SCRN1: variants seen among roughly 807,000 people sequenced by gnomAD.
SCRN1 encodes secernin 1.
SCRN1 carries 19 observed loss-of-function variants against 43.3 expected under a neutral mutation model. The ratio of observed to expected loss-of-function variants is 0.44; its 90% CI spans 0.31 to 0.64. The LOEUF is 0.64. SCRN1 is among the 30% of genes least tolerant of loss of function. The pLI, the probability that SCRN1 is intolerant of heterozygous loss-of-function variation, is 0.09. For synonymous variants in SCRN1, 183 were observed against 188.9 expected, an observed-to-expected ratio of 0.97 and a Z score of 0.26; for missense variants, 447 against 524.1, an observed-to-expected ratio of 0.85 and a Z score of 1.44.
rs182126511 is a variant in SCRN1 at position 29,920,629 on chromosome 7, A to G, written c.*3328T>C. 5.3e-5 allele frequency: 8 copies of G among 152,342 alleles called. No individual in the cohort carries two copies. Among genetic ancestry groups the G allele is most frequent in the Admixed American group, 4.6e-4 (7 of 15,306 alleles). 9.4% of individuals were successfully genotyped at this position (152,342 alleles called of 1,614,324 possible). ...GAGAGCTCAACTGAAGACCTTCCCC[A>G]ATAAATGACAGATGGCTCTTCAGTC... On this transcript the variant is annotated 3_prime_UTR_variant, in exon 8 of 8. Coordinates refer to ENST00000242059, the MANE Select transcript of SCRN1 (RefSeq NM_014766.5).
intron 6 of SCRN1, 127 bp from the exon 7 acceptor site, chr7:29,926,759 G>T: frequency 2.3e-5 from 13 of 577,276 alleles, no homozygotes; most frequent in Non-Finnish European, 2.6e-5. Context: ...TGGGTGACGG[G>T]TGGGTGGGTG....
intron 2 of SCRN1, among the ~76,000 whole-genome samples, chr7:29,966,716 G>A (rs1423384739): frequency 6.6e-6 from 1 of 152,218 alleles, no homozygotes; most frequent in Non-Finnish European, 1.5e-5. Context: ...TATTAAGTTA[G>A]TGGCTCAGTA....
At chr7:29,989,372 C>T in intron 1 of SCRN1, 1 of 172,500 alleles carries the variant, frequency 5.8e-6, no homozygotes, top group Non-Finnish European at 1.2e-5. Flanking sequence ...GGCTGCGGTG[C>T]GGGAGCCCGG....
Position 29,926,432 on chromosome 7 carries a change from T to C in SCRN1, c.1086+20A>G. The C allele has an allele frequency of 1.2e-6, 2 of 1,606,732 alleles. No homozygotes were observed. On this transcript the variant is annotated intron_variant, in intron 7 of 7. Coordinates refer to ENST00000242059, the MANE Select transcript of SCRN1 (RefSeq NM_014766.5). The stretch of plus-strand genomic sequence containing the variant: ...CCGCCCGCCTCCGCCTCCGCCTCTG[T>C]GGCCCTCATGCAAGCTCACCTGGTC...
intron 6 of SCRN1, among the ~76,000 whole-genome samples, chr7:29,933,802 A>T (rs1030967729): frequency 3.9e-5 from 6 of 152,226 alleles, no homozygotes; most frequent in Non-Finnish European, 8.8e-5. Flanking sequence ...ATACAGTGAG[A>T]AAAGGACAGA....
intron 1 of SCRN1, among the ~76,000 whole-genome samples, chr7:29,970,703 A>G (rs1340827286): frequency 6.6e-6 from 1 of 152,180 alleles, no homozygotes; most frequent in East Asian, 1.9e-4. Flanking sequence ...TTGTTTATTA[A>G]TAGTCCACCA....
Position 29,926,544 on chromosome 7 carries a change from T to C in SCRN1, c.994A>G (p.Lys332Glu). Residue 332 changes from lysine to glutamate, a missense_variant, in exon 7 of 8, where the codon AAA becomes GAA. Coordinates refer to ENST00000242059, the MANE Select transcript of SCRN1 (RefSeq NM_014766.5). ...SPCFGDDDPA[K>E]KEPRFQEKPD... Reference sequence around the variant, plus strand: ...TTCTCCTGGAACCGAGGCTCCTTTTTGGCAGGGTCGTCATCCCCAAAACAG... The same window carrying C: ...TTCTCCTGGAACCGAGGCTCCTTTTCGGCAGGGTCGTCATCCCCAAAACAG... 1.2e-6 allele frequency: 2 copies of C among 1,614,200 alleles called. No homozygotes were observed. Among genetic ancestry groups the C allele is most frequent in the Non-Finnish European group, 1.7e-6 (2 of 1,180,044 alleles).
chr7:29,931,794 G>A (rs1339044137), intron 6 of SCRN1, among the ~76,000 whole-genome samples: 1 of 152,128 alleles, frequency 6.6e-6, no homozygotes, highest in Non-Finnish European at 1.5e-5. Flanking sequence ...CCTGTTCAGA[G>A]GAAGCTGCTC....
intron 6 of SCRN1, among the ~76,000 whole-genome samples, chr7:29,927,950 G>A (rs1026354443): frequency 2.0e-5 from 3 of 151,956 alleles, no homozygotes; most frequent in African/African-American, 4.8e-5. Flanking sequence ...GTAAAACCCC[G>A]TTTCTACTAA....
At chr7:29,986,775 A>G (rs1789171903) in intron 1 of SCRN1, among the ~76,000 whole-genome samples, 1 of 122,440 alleles carries the variant, frequency 8.2e-6, no homozygotes, top group Non-Finnish European at 1.6e-5. Context: ...CCCAGGCTGG[A>G]GTGCAGTGGC....
chr7:29,948,057 G>A (rs1376416976), intron 3 of SCRN1, among the ~76,000 whole-genome samples: 2 of 152,182 alleles, frequency 1.3e-5, no homozygotes, highest in Admixed American at 6.5e-5. Context: ...GGACTAAGAC[G>A]AGTGATAACA....
At chr7:29,924,539 A>G (rs1225515804) in intron 7 of SCRN1, among the ~76,000 whole-genome samples, 1 of 152,036 alleles carries the variant, frequency 6.6e-6, no homozygotes, top group Non-Finnish European at 1.5e-5. Flanking sequence ...ACCCATCTTC[A>G]GCTTCCTTGC....
intron 6 of SCRN1, among the ~76,000 whole-genome samples, chr7:29,932,038 C>T (rs1787171364): frequency 6.6e-6 from 1 of 152,098 alleles, no homozygotes; most frequent in Non-Finnish European, 1.5e-5. Context: ...AGAACTAATC[C>T]ATGAAGGGAG....
chr7:29,982,524 T>A (rs1789019872), intron 1 of SCRN1, among the ~76,000 whole-genome samples: 1 of 151,526 alleles, frequency 6.6e-6, no homozygotes, highest in Admixed American at 6.6e-5. Context: ...TACAAAAAAA[T>A]AAAAATAAAT....
chr7:29,952,801 T>C (rs945088707), intron 3 of SCRN1, among the ~76,000 whole-genome samples: 1 of 152,168 alleles, frequency 6.6e-6, no homozygotes, highest in East Asian at 1.9e-4. Context: ...GAACTGATCA[T>C]AGCTGCTTTA....
intron 2 of SCRN1, among the ~76,000 whole-genome samples, chr7:29,960,121 T>G (rs1266985700): frequency 1.3e-5 from 2 of 152,048 alleles, no homozygotes; most frequent in Admixed American, 6.5e-5. Flanking sequence ...AAGAAATAAC[T>G]TTCAGAATTA....
chr7:29,967,488 A>T lies in SCRN1; in HGVS notation c.159+1421T>A, dbSNP rs191645647. ...ACGTGATCCTCTCACCTCAGCCTCCAGGGTAGCTGGGACTACAGGCATGTG... is the reference window on the plus strand; with the variant it reads ...ACGTGATCCTCTCACCTCAGCCTCCTGGGTAGCTGGGACTACAGGCATGTG... On this transcript the variant is annotated intron_variant, in intron 2 of 7. Transcript: ENST00000242059. Among the ~76,000 whole-genome samples, 4 of 151,162 alleles carry T rather than the reference A, an allele frequency of 2.6e-5. No homozygotes were observed. The South Asian group carries it at 8.3e-4, about 31-fold the overall frequency.
upstream of SCRN1, chr7:29,989,943 C>T: frequency 1.5e-6 from 2 of 1,311,230 alleles, no homozygotes; most frequent in South Asian, 1.7e-5. Flanking sequence ...CGCTGCTCAC[C>T]GTCGAGTAGG....
At chr7:29,952,335 C>T (rs1166408780) in intron 3 of SCRN1, among the ~76,000 whole-genome samples, 1 of 152,176 alleles carries the variant, frequency 6.6e-6, no homozygotes, top group East Asian at 1.9e-4. Flanking sequence ...GGTTTTTTGA[C>T]TTGTAGTATC....
Sources: gnomAD v4.1 joint callset for allele counts (sites outside exome capture counted in the v4.1 genomes callset) on GRCh38, gnomAD v4.1.1 for gene constraint, MANE v1.5 for transcripts, NCBI Gene and HGNC (gene_info 2026-07-23, HGNC 2026-07-21) for gene names.